The following FIGLA variants were observed in gnomAD, a reference collection of about 807,000 sequenced individuals.
The protein encoded by FIGLA is factor in the germline alpha.
FIGLA carries 17 observed loss-of-function variants against 21.5 expected under a neutral mutation model. The observed-to-expected ratio is 0.79, with a 90% CI of 0.54 to 1.19. The LOEUF (loss-of-function observed/expected upper bound fraction) is 1.19. Ranked by LOEUF, FIGLA falls within the 50% of genes most tolerant of loss-of-function variation. FIGLA has a pLI of 0.00. For synonymous variants in FIGLA, 129 were observed against 117.6 expected, an observed-to-expected ratio of 1.10 and a Z score of -0.63; for missense variants, 282 against 285.0, an observed-to-expected ratio of 0.99 and a Z score of 0.08.
chr2:70,786,418 C>T (rs562647931), intron 2 of FIGLA, among the ~76,000 whole-genome samples: 6 of 152,186 alleles, frequency 3.9e-5, no homozygotes, highest in African/African-American at 1.4e-4. Flanking sequence ...ATCCTCCTGC[C>T]TCAGCCTCCT....
At chr2:70,777,569 A>G in intron 4 of FIGLA, 68 bp downstream of exon 4, 2 of 1,565,818 alleles carry the variant, frequency 1.3e-6, no homozygotes, top group South Asian at 2.4e-5. Flanking sequence ...TGATGGAATT[A>G]GCACTCTTAT....
At chr2:70,778,511 A>G (rs1219682801) in intron 3 of FIGLA, among the ~76,000 whole-genome samples, 3 of 149,048 alleles carry the variant, frequency 2.0e-5, no homozygotes, top group African/African-American at 7.4e-5. Flanking sequence ...AATTTTTTTC[A>G]TATTTAGAAT....
At position 70,777,337 on chromosome 2, in the gene FIGLA, C is replaced by T. The variant is rs782567091; in HGVS notation, c.*30G>A. ...CTTTCAAGACTGCATTTATTTGTCT[C>T]TAGAAGGTAACCCTGGGCCTTTTCA... On this transcript the variant is annotated 3_prime_UTR_variant, in exon 5 of 5. Coordinates refer to ENST00000332372, the MANE Select transcript of FIGLA (RefSeq NM_001004311.3). 2.8e-6 allele frequency: 4 copies of T among 1,444,304 alleles called. No individual in the cohort carries two copies. Among genetic ancestry groups the T allele is most frequent in the Non-Finnish European group, 3.7e-6 (4 of 1,079,762 alleles). The allele number at this position is 1,444,304 out of a possible 1,614,324, so 89.5% of individuals were successfully genotyped here. A position where few individuals can be genotyped will look rare whatever the true frequency, so the allele number is the denominator to read the frequency against.
In FIGLA at chr2:70,790,391, C is replaced by A; in HGVS notation, c.231+17G>T. ...CAGGGAAGGGGGGAACGGACGTCGA[C>A]CCTAGGGATCCCTCACCCGCTCACG... On this transcript the variant is annotated intron_variant, in intron 1 of 4. Coordinates refer to ENST00000332372, the MANE Select transcript of FIGLA (RefSeq NM_001004311.3). The A allele has an allele frequency of 6.6e-7, 1 of 1,518,218 alleles. No individual in the cohort carries two copies. Among genetic ancestry groups the A allele is most frequent in the Non-Finnish European group, 8.8e-7 (1 of 1,132,490 alleles). The allele number at this position is 1,518,218 out of a possible 1,614,324, so 94.0% of individuals were successfully genotyped here.
intron 2 of FIGLA, among the ~76,000 whole-genome samples, chr2:70,786,194 G>T (rs537346238): frequency 4.8e-5 from 7 of 146,794 alleles, no homozygotes; most frequent in Non-Finnish European, 7.5e-5. Flanking sequence ...TTCTACATAG[G>T]AAAGACCTTC....
At position 70,777,663 on chromosome 2, in the gene FIGLA, G is replaced by A; in HGVS notation, c.618C>T (p.Phe206=). The change falls in exon 4 of 5, where the codon TTC becomes TTT. Residue 206 remains phenylalanine, a synonymous_variant. Coordinates refer to ENST00000332372, the MANE Select transcript of FIGLA (RefSeq NM_001004311.3). ...IISPTRSLDR[F]PEVELLSHRL... The stretch of plus-strand genomic sequence containing the variant: ...TGTGACTCAGCAGTTCTACTTCTGG[G>A]AATCTATCCTGCAAAAACAATACAA... The A allele has an allele frequency of 6.7e-7, 1 of 1,497,212 alleles. No homozygotes were observed. 92.7% of individuals were successfully genotyped at this position (1,497,212 alleles called of 1,614,324 possible). A position where few individuals can be genotyped will look rare whatever the true frequency, so the allele number is the denominator to read the frequency against.
intron 2 of FIGLA, among the ~76,000 whole-genome samples, chr2:70,786,134 GTTTCT>G (rs1211554497): frequency 4.0e-5 from 6 of 151,066 alleles, no homozygotes; most frequent in Admixed American, 2.0e-4. Flanking sequence ...TAGGATAATT[GTTTCT>G]TTTCTCTCTA....
intron 3 of FIGLA, among the ~76,000 whole-genome samples, chr2:70,781,730 A>G (rs1195654203): frequency 3.3e-5 from 5 of 152,216 alleles, no homozygotes; most frequent in Admixed American, 6.5e-5. Flanking sequence ...AGCATTCTCA[A>G]GATAAATTAT....
In FIGLA at chr2:70,787,799, T is replaced by A. The variant is rs199650129; in HGVS notation, c.234A>T (p.Ile78=). ...TGGCAAAACCACGGTTGAGATTTTTTATCTAGAAAACAAAAAGGCACAGTA... is the reference window on the plus strand; with the variant it reads ...TGGCAAAACCACGGTTGAGATTTTTAATCTAGAAAACAAAAAGGCACAGTA... ...RVANAKERER[I]KNLNRGFARL... is the part of the protein sequence containing the mutation. Residue 78 remains isoleucine, a splice_region_variant and synonymous_variant, in exon 2 of 5, where the codon ATA becomes ATT. Coordinates refer to ENST00000332372, the MANE Select transcript of FIGLA (RefSeq NM_001004311.3). 4.8e-3 allele frequency: 7,799 copies of A among 1,611,756 alleles called. 390 individuals carry two copies. The South Asian group carries it at 0.081, about 17-fold the overall frequency.
rs1553390257 is a variant in FIGLA at position 70,787,790 on chromosome 2, G to C, written c.243C>G (p.Leu81=). Reference sequence around the variant, plus strand: ...CCTTCAATCTGGCAAAACCACGGTTGAGATTTTTTATCTAGAAAACAAAAA... The same window carrying C: ...CCTTCAATCTGGCAAAACCACGGTTCAGATTTTTTATCTAGAAAACAAAAA... ...NAKERERIKN[L]NRGFARLKAL... Residue 81 remains leucine, a synonymous_variant, in exon 2 of 5, where the codon CTC becomes CTG. Coordinates refer to ENST00000332372, the MANE Select transcript of FIGLA (RefSeq NM_001004311.3). 2.5e-6 allele frequency: 4 copies of C among 1,612,118 alleles called. No homozygotes were observed. Among genetic ancestry groups the C allele is most frequent in the Non-Finnish European group, 3.4e-6 (4 of 1,179,470 alleles).
At chr2:70,785,996 C>T (rs782412058) in intron 2 of FIGLA, among the ~76,000 whole-genome samples, 7 of 152,288 alleles carry the variant, frequency 4.6e-5, no homozygotes, top group Non-Finnish European at 1.0e-4. Context: ...CCAGTTTGAC[C>T]AACAGGACAA....
At chr2:70,787,091 T>A (rs1467539287) in intron 2 of FIGLA, among the ~76,000 whole-genome samples, 1 of 152,224 alleles carries the variant, frequency 6.6e-6, no homozygotes, top group Non-Finnish European at 1.5e-5. Context: ...GGTGACATTA[T>A]GATACTTCAC....
Position 70,777,325 on chromosome 2 carries a change from A to G in FIGLA, c.*42T>C. The G allele has an allele frequency of 3.6e-6, 5 of 1,381,768 alleles. No individual in the cohort carries two copies. Among genetic ancestry groups the G allele is most frequent in the Non-Finnish European group, 4.9e-6 (5 of 1,030,698 alleles). The allele number at this position is 1,381,768 out of a possible 1,614,324, so 85.6% of individuals were successfully genotyped here. ...GAGACTCCAAAACTTTCAAGACTGC[A>G]TTTATTTGTCTCTAGAAGGTAACCC... is the stretch of plus-strand genomic sequence containing the variant. On this transcript the variant is annotated 3_prime_UTR_variant, in exon 5 of 5. Transcript: ENST00000332372.
Position 70,785,482 on chromosome 2 carries a change from T to TCACCACTGC in FIGLA, c.533_541dup (p.Gly178_Gly180dup). 2 of 1,614,044 alleles carry TCACCACTGC rather than the reference T, an allele frequency of 1.2e-6. No homozygotes were observed. The highest frequency in any genetic ancestry group is 1.7e-6 in the Non-Finnish European group (2 of 1,179,894). ...ACTGTGGCGACAAGCGTGTGCTGGC[T>TCACCACTGC]CACCACTGCCACCATCTGCCCAAGG... On this transcript the variant is annotated inframe_insertion, in exon 3 of 5. Coordinates refer to ENST00000332372, the MANE Select transcript of FIGLA (RefSeq NM_001004311.3).
Position 70,790,608 on chromosome 2 carries a change from G to GGGGATCTAGGACGCC in FIGLA, c.16_30dup (p.Gly6_Pro10dup). On this transcript the variant is annotated inframe_insertion, in exon 1 of 5. Transcript: ENST00000332372. ...CCCAGGAGCGCGGGCGGCGCGGCGCGGGGATCTAGGACGCCGGGCGCGGGG... is the reference window on the plus strand; with the variant it reads ...CCCAGGAGCGCGGGCGGCGCGGCGCGGGGATCTAGGACGCCGGGATCTAGGACGCCGGGCGCGGGG... 3 of 1,464,086 alleles carry GGGGATCTAGGACGCC rather than the reference G, an allele frequency of 2.0e-6. No homozygotes were observed. Among genetic ancestry groups the GGGGATCTAGGACGCC allele is most frequent in the Non-Finnish European group, 2.7e-6 (3 of 1,114,464 alleles). 90.7% of individuals were successfully genotyped at this position (1,464,086 alleles called of 1,614,324 possible).
Position 70,787,811 on chromosome 2 carries a change from A to C in FIGLA, c.232-10T>G. On this transcript the variant is annotated splice_polypyrimidine_tract_variant and intron_variant, in intron 1 of 4. Transcript: ENST00000332372. The stretch of plus-strand genomic sequence containing the variant: ...GGTTGAGATTTTTTATCTAGAAAAC[A>C]AAAAGGCACAGTAACACACAGAGAA... The C allele has an allele frequency of 1.2e-6, 2 of 1,611,182 alleles. No individual in the cohort carries two copies. Among genetic ancestry groups the C allele is most frequent in the Non-Finnish European group, 1.7e-6 (2 of 1,179,234 alleles).
chr2:70,778,415 G>A (rs1342474255), intron 3 of FIGLA, among the ~76,000 whole-genome samples: 1 of 151,996 alleles, frequency 6.6e-6, no homozygotes, highest in Non-Finnish European at 1.5e-5. Flanking sequence ...TCTTGATCGA[G>A]TCTTTCCACT....
Position 70,785,650 on chromosome 2 carries a change from T to C in FIGLA, c.385-11A>G, listed in dbSNP as rs1553389893. ...ATCTGGGTCTTGTTTCTGGAAACCA[T>C]ATTTAGTTGTCAAACAGTATAATAT... On this transcript the variant is annotated splice_polypyrimidine_tract_variant and intron_variant, in intron 2 of 4. Transcript: ENST00000332372. 6.3e-7 allele frequency: 1 copy of C among 1,598,308 alleles called. No individual in the cohort carries two copies. The highest frequency in any genetic ancestry group is 1.3e-5 in the African/African-American group (1 of 74,458).
At chr2:70,783,726 TCTCA>T (rs1346480440) in intron 3 of FIGLA, among the ~76,000 whole-genome samples, 1 of 150,230 alleles carries the variant, frequency 6.7e-6, no homozygotes, top group Non-Finnish European at 1.5e-5. Flanking sequence ...TGAGATGGTG[TCTCA>T]CTCTGTCACC....
Sources: allele counts gnomAD v4.1 joint callset (sites outside exome capture counted in the v4.1 genomes callset), GRCh38; gene constraint gnomAD v4.1.1; transcripts MANE v1.5; gene names NCBI Gene and HGNC (gene_info 2026-07-23, HGNC 2026-07-21).